The following CDH13 variants were observed in gnomAD, a reference collection of about 807,000 sequenced individuals.
The protein encoded by CDH13 is cadherin 13.
CDH13 carries 24 observed loss-of-function variants against 63.8 expected under a neutral mutation model. The ratio of observed to expected loss-of-function variants is 0.38; its 90% CI spans 0.27 to 0.53. CDH13 has a LOEUF of 0.53. CDH13 is among the 20% of genes least tolerant of loss of function. CDH13 has a pLI of 0.85. For synonymous variants in CDH13, 503 were observed against 355.3 expected (o/e 1.42, Z -4.67); for missense variants, 1,049 against 903.1 (o/e 1.16, Z -2.07).
chr16:83,026,965 A>T (rs1261890722), intron 2 of CDH13, among the ~76,000 whole-genome samples: 1 of 152,124 alleles, frequency 6.6e-6, no homozygotes, highest in East Asian at 1.9e-4. Context: ...CCAGGGGCCA[A>T]GGGGAGAGCA....
At chr16:82,676,890 T>TGTTTG (rs1913982480) in intron 1 of CDH13, among the ~76,000 whole-genome samples, 2 of 150,548 alleles carry the variant, frequency 1.3e-5, no homozygotes, top group African/African-American at 5.0e-5. Context: ...TGTTTTGTTT[T>TGTTTG]GTTTTGTTTT....
intron 5 of CDH13, among the ~76,000 whole-genome samples, chr16:83,275,101 C>T (rs1037638990): frequency 3.3e-5 from 5 of 152,168 alleles, no homozygotes; most frequent in Non-Finnish European, 7.3e-5. Context: ...CTACTATATT[C>T]CCATTTCCTA....
At chr16:83,569,271 C>A (rs1419312313) in intron 7 of CDH13, among the ~76,000 whole-genome samples, 1 of 152,174 alleles carries the variant, frequency 6.6e-6, no homozygotes, top group Non-Finnish European at 1.5e-5. Flanking sequence ...CCCTCCCTCT[C>A]CCCATTGGAA....
chr16:83,338,328 G>C (rs562980260), intron 5 of CDH13, among the ~76,000 whole-genome samples: 1 of 152,102 alleles, frequency 6.6e-6, no homozygotes, highest in Admixed American at 6.6e-5. Context: ...GTAATATGCC[G>C]GAGATGGAGA....
chr16:82,845,263 G>A (rs1238108109), intron 1 of CDH13, among the ~76,000 whole-genome samples: 6 of 152,164 alleles, frequency 3.9e-5, no homozygotes, highest in Non-Finnish European at 7.3e-5. Context: ...GCAGGTGGGA[G>A]CATTCAGCCA....
chr16:82,886,679 C>A, intron 2 of CDH13, among the ~76,000 whole-genome samples: 1 of 151,880 alleles, frequency 6.6e-6, no homozygotes, highest in Non-Finnish European at 1.5e-5. Context: ...AATTGGACAC[C>A]GGCTCCATGC....
chr16:82,979,395 C>T (rs542488035), intron 2 of CDH13, among the ~76,000 whole-genome samples: 1 of 152,216 alleles, frequency 6.6e-6, no homozygotes, highest in South Asian at 2.1e-4. Flanking sequence ...TGTCCTCATC[C>T]AAATTTCATC....
rs76672625 is a variant in CDH13, at chr16:82,665,588, A to G, written c.45+38451A>G. ...ATTTATGATGAGATTTTATCCTGAT[A>G]AACCATCCTACATCAAAAAGGCGGC... On this transcript the variant is annotated intron_variant, in intron 1 of 13. Coordinates refer to ENST00000567109, the MANE Select transcript of CDH13 (RefSeq NM_001257.5). Among the ~76,000 whole-genome samples the G allele has an allele frequency of 3.8e-3, 579 of 152,200 alleles. 8 individuals carry two copies. The highest frequency in any genetic ancestry group is 0.013 in the African/African-American group (537 of 41,540).
intron 1 of CDH13, among the ~76,000 whole-genome samples, chr16:82,719,850 A>G (rs974201349): frequency 6.6e-5 from 10 of 151,144 alleles, no homozygotes; most frequent in African/African-American, 2.4e-5. Context: ...TGTCTCAAAA[A>G]AAAAAAAAAA....
At chr16:82,751,740 C>G (rs1173430657) in intron 1 of CDH13, among the ~76,000 whole-genome samples, 1 of 150,016 alleles carries the variant, frequency 6.7e-6, no homozygotes, top group Non-Finnish European at 1.5e-5. Context: ...GCTTTTTAGA[C>G]AAGAGATCGC....
intron 8 of CDH13, among the ~76,000 whole-genome samples, chr16:83,663,628 A>G (rs1027196342): frequency 6.6e-6 from 1 of 152,054 alleles, no homozygotes. Flanking sequence ...CAGAGACATG[A>G]CTCCGACTCT....
chr16:83,179,471 C>T (rs953877958), intron 4 of CDH13, among the ~76,000 whole-genome samples: 15 of 83,212 alleles, frequency 1.8e-4, no homozygotes, highest in African/African-American at 7.8e-4. Context: ...CAGTGAAACC[C>T]CGTCTCTACT....
At chr16:83,263,448 A>G (rs533110073) in intron 5 of CDH13, among the ~76,000 whole-genome samples, 1 of 152,282 alleles carries the variant, frequency 6.6e-6, no homozygotes, top group South Asian at 2.1e-4. Context: ...TGAGATATGC[A>G]GAGATCTACC....
intron 2 of CDH13, among the ~76,000 whole-genome samples, chr16:82,889,146 A>T (rs752446342): frequency 6.6e-6 from 1 of 152,226 alleles, no homozygotes. Context: ...TCATTCTCAC[A>T]GAAAGTATTC....
chr16:83,747,086 A>G (rs551164165), intron 10 of CDH13, among the ~76,000 whole-genome samples: 1 of 152,356 alleles, frequency 6.6e-6, no homozygotes, highest in Non-Finnish European at 1.5e-5. Flanking sequence ...ATATCTGTAT[A>G]TTCAACAAAT....
chr16:83,015,621 A>C (rs1051791620), intron 2 of CDH13, among the ~76,000 whole-genome samples: 2 of 138,952 alleles, frequency 1.4e-5, no homozygotes, highest in East Asian at 2.2e-4. Flanking sequence ...TAAATATCAC[A>C]GTTGTGGGGA....
chr16:83,219,698 A>G (rs2039639584), intron 5 of CDH13, among the ~76,000 whole-genome samples: 1 of 152,192 alleles, frequency 6.6e-6, no homozygotes, highest in Non-Finnish European at 1.5e-5. Flanking sequence ...AGTTTTTACT[A>G]TACTTTTATA....
chr16:83,103,087 G>T (rs1184019256), intron 3 of CDH13, among the ~76,000 whole-genome samples: 1 of 150,058 alleles, frequency 6.7e-6, no homozygotes, highest in Non-Finnish European at 1.5e-5. Context: ...GAAGTAGCTG[G>T]GATTACAGGA....
At chr16:83,297,410 A>T (rs1416124318) in intron 5 of CDH13, among the ~76,000 whole-genome samples, 3 of 152,218 alleles carry the variant, frequency 2.0e-5, no homozygotes, top group African/African-American at 7.2e-5. Context: ...AACTTAAAAA[A>T]TAGTACTAAT....
Sources: allele counts gnomAD v4.1 joint callset (sites outside exome capture counted in the v4.1 genomes callset), GRCh38; gene constraint gnomAD v4.1.1; transcripts MANE v1.5; gene names NCBI Gene and HGNC (gene_info 2026-07-23, HGNC 2026-07-21).